Variants in TUBGCP3 observed in about 807,000 individuals in gnomAD.
TUBGCP3 encodes tubulin gamma complex component 3.
A neutral mutation model predicts 123.1 loss-of-function variants in TUBGCP3; 50 were observed. That is an observed-to-expected ratio of 0.41 (90% CI 0.32 to 0.51). The LOEUF (loss-of-function observed/expected upper bound fraction) is 0.51. Among genes scored for constraint, TUBGCP3 ranks in the 20% least tolerant of loss-of-function variants. The pLI is 0.36. For missense variants in TUBGCP3, 882 were observed against 1,127.0 expected (o/e 0.78, Z 3.11); for synonymous variants, 405 against 413.9 (o/e 0.98, Z 0.26).
intron 19 of TUBGCP3, 85 bp from the exon 20 acceptor site, chr13:112,499,270 T>A: frequency 6.8e-7 from 1 of 1,466,652 alleles, no homozygotes; most frequent in South Asian, 1.4e-5. Context: ...TGAAAAGATA[T>A]TAGAAAACAA....
rs1218375883 is a variant in TUBGCP3, at chr13:112,524,304, T to C, written c.1556-1795A>G. 6.6e-6 allele frequency among the ~76,000 whole-genome samples: 1 copy of C among 152,178 alleles called. No individual in the cohort carries two copies. The highest frequency in any genetic ancestry group is 1.5e-5 in the Non-Finnish European group (1 of 68,028). On this transcript the variant is annotated intron_variant, in intron 13 of 21. Transcript: ENST00000261965. The surrounding 1 kb of genome is among the most constrained non-coding windows in gnomAD (Gnocchi z 4.4). ...TTAGTGGCTGCCTTTTTTTAAGTGTTTTTGATCCTCAGTTGATTGAATCTG... is the reference window on the plus strand; with the variant it reads ...TTAGTGGCTGCCTTTTTTTAAGTGTCTTTGATCCTCAGTTGATTGAATCTG...
intron 1 of TUBGCP3, among the ~76,000 whole-genome samples, chr13:112,582,320 G>A (rs1421359125): frequency 6.6e-6 from 1 of 152,212 alleles, no homozygotes; most frequent in Non-Finnish European, 1.5e-5. Context: ...ACAATATGAT[G>A]TACAGTGGTT....
Position 112,508,217 on chromosome 13 carries a change from C to T in TUBGCP3, c.2087-3503G>A, listed in dbSNP as rs1451018945. ...CTCCAAGCCCGCCTCTCCCTCCTAG[C>T]ACACACTTAAAAGGCCAACCCGTAT... is the stretch of plus-strand genomic sequence containing the variant. On this transcript the variant is annotated intron_variant, in intron 17 of 21. Transcript: ENST00000261965. This position sits in a 1 kb window ranked among gnomAD's most constrained non-coding sequence, Gnocchi z 4.2. Among the ~76,000 whole-genome samples, 1 of 152,176 alleles carries T rather than the reference C, an allele frequency of 6.6e-6. No homozygotes were observed. Among genetic ancestry groups the T allele is most frequent in the African/African-American group, 2.4e-5 (1 of 41,436 alleles).
At chr13:112,503,381 T>C (rs1410221343) in intron 19 of TUBGCP3, among the ~76,000 whole-genome samples, 2 of 152,168 alleles carry the variant, frequency 1.3e-5, no homozygotes, top group African/African-American at 4.8e-5. Flanking sequence ...TGTTGTTTTG[T>C]TGTTTTGAGA....
intron 10 of TUBGCP3, chr13:112,546,140 A>AC: frequency 2.8e-6 from 1 of 354,912 alleles, no homozygotes; most frequent in South Asian, 6.0e-5. Context: ...AGTAGCAAAA[A>AC]ATTGCCGGCT....
At chr13:112,527,874 GTCTC>G (rs1877262930) in intron 11 of TUBGCP3, among the ~76,000 whole-genome samples, 1 of 152,172 alleles carries the variant, frequency 6.6e-6, no homozygotes, top group Non-Finnish European at 1.5e-5. Context: ...TGCCCTTGCA[GTCTC>G]TCTTTTGCAA....
At chr13:112,498,824 G>A (rs1382839483) in intron 20 of TUBGCP3, 1 of 1,570,700 alleles carries the variant, frequency 6.4e-7, no homozygotes, top group Non-Finnish European at 8.6e-7. Flanking sequence ...GAATGCTGCT[G>A]TTTTTATTTA....
intron 1 of TUBGCP3, among the ~76,000 whole-genome samples, chr13:112,585,995 T>C (rs537792931): frequency 6.6e-6 from 1 of 151,674 alleles, no homozygotes; most frequent in East Asian, 1.9e-4. Flanking sequence ...ATCCCAGCAC[T>C]TCGGGAGGCC....
chr13:112,524,165 C>G lies in TUBGCP3; in HGVS notation c.1556-1656G>C, dbSNP rs758277247. On this transcript the variant is annotated intron_variant, in intron 13 of 21. Coordinates refer to ENST00000261965, the MANE Select transcript of TUBGCP3 (RefSeq NM_006322.6). The surrounding 1 kb of genome is among the most constrained non-coding windows in gnomAD (Gnocchi z 4.4). ...AAATGAAGCAATATTTGCACCTAAC[C>G]TACACACATCTTCCCATATACGGTA... 3.3e-5 allele frequency among the ~76,000 whole-genome samples: 5 copies of G among 152,216 alleles called. No individual in the cohort carries two copies. Among genetic ancestry groups the G allele is most frequent in the Admixed American group, 6.5e-5 (1 of 15,288 alleles).
rs1879826486 is a variant in TUBGCP3, at chr13:112,554,102, G to GTA, written c.919_920dup (p.Asp309ArgfsTer41). On this transcript the variant is annotated frameshift_variant, in exon 8 of 22. Coordinates refer to ENST00000261965, the MANE Select transcript of TUBGCP3 (RefSeq NM_006322.6). LOFTEE classifies it high-confidence loss of function. ...AGCGGTCCAGGCTCCTCTGGTCCGTGTATCTTCTGATTTTATTATGCAACC... is the reference window on the plus strand; with the variant it reads ...AGCGGTCCAGGCTCCTCTGGTCCGTGTATATCTTCTGATTTTATTATGCAACC... 6.2e-7 allele frequency: 1 copy of GTA among 1,614,046 alleles called. No individual in the cohort carries two copies. The highest frequency in any genetic ancestry group is 8.5e-7 in the Non-Finnish European group (1 of 1,180,028).
intron 9 of TUBGCP3, 124 bp from the exon 10 acceptor site, chr13:112,547,876 T>A: frequency 9.7e-5 from 108 of 1,111,734 alleles, no homozygotes; most frequent in South Asian, 1.6e-4. Flanking sequence ...AAGTCCCCTT[T>A]AAAAAAAAAT....
At chr13:112,498,793 C>A in intron 20 of TUBGCP3, 1 of 1,548,970 alleles carries the variant, frequency 6.5e-7, no homozygotes, top group Middle Eastern at 1.7e-4. Flanking sequence ...TGAAAACGGG[C>A]AGGAGATTTG....
intron 1 of TUBGCP3, among the ~76,000 whole-genome samples, chr13:112,587,662 G>A (rs1882712315): frequency 1.3e-5 from 2 of 151,332 alleles, no homozygotes; most frequent in South Asian, 4.2e-4. Context: ...CCCCGGCCTT[G>A]GCCTCTCCAC....
chr13:112,564,413 T>C (rs574530994), intron 3 of TUBGCP3, among the ~76,000 whole-genome samples: 7 of 152,330 alleles, frequency 4.6e-5, no homozygotes, highest in African/African-American at 1.4e-4. Flanking sequence ...TTCTTCTCCA[T>C]AAAAGGAAAG....
intron 21 of TUBGCP3, 72 bp from the exon 22 acceptor site, chr13:112,486,223 A>C: frequency 6.4e-7 from 1 of 1,563,738 alleles, no homozygotes; most frequent in Non-Finnish European, 8.7e-7. Flanking sequence ...CCCGGACCTT[A>C]ATCTCCTTTG....
intron 10 of TUBGCP3, 58 bp downstream of exon 10, chr13:112,547,562 T>G: frequency 7.5e-7 from 1 of 1,333,874 alleles, no homozygotes; most frequent in Non-Finnish European, 9.8e-7. Flanking sequence ...CGTGGGAAAG[T>G]CGCGCGTGGG....
chr13:112,603,927 C>T, the TUBGCP3 span: 3 of 152,208 alleles, frequency 2.0e-5, no homozygotes, highest in African/African-American at 4.8e-5. Flanking sequence ...TTGCTTTCTG[C>T]TTTCTTCATC....
At chr13:112,531,815 AG>A (rs956933715) in intron 11 of TUBGCP3, among the ~76,000 whole-genome samples, 3 of 152,174 alleles carry the variant, frequency 2.0e-5, no homozygotes, top group Non-Finnish European at 4.4e-5. Context: ...AGAGTTATAG[AG>A]GGAAAAAAAC....
the TUBGCP3 span, among the ~76,000 whole-genome samples, chr13:112,594,806 A>G: frequency 3.9e-5 from 6 of 152,036 alleles, no homozygotes; most frequent in African/African-American, 1.4e-4. Context: ...ATTTCTCTTG[A>G]TCCTTATTCT....
Sources: gnomAD v4.1 joint callset for allele counts (sites outside exome capture counted in the v4.1 genomes callset) on GRCh38, gnomAD v4.1.1 for gene constraint, Gnocchi (gnomAD v3.1) non-coding constraint, MANE v1.5 for transcripts, NCBI Gene and HGNC (gene_info 2026-07-23, HGNC 2026-07-21) for gene names.